The following RUNX1T1 variants were observed in gnomAD, a reference collection of about 807,000 sequenced individuals.
RUNX1T1 encodes RUNX1 partner transcriptional co-repressor 1.
Under a neutral mutation model 62.8 loss-of-function variants are expected in RUNX1T1, and 4 were observed. That is an observed-to-expected ratio of 0.06 (90% confidence interval 0.03 to 0.15). The LOEUF is 0.15. Among genes scored for constraint, RUNX1T1 ranks in the 10% least tolerant of loss-of-function variants. The pLI, the probability that RUNX1T1 is intolerant of heterozygous loss-of-function variation, is 1.00. For missense variants in RUNX1T1, 508 were observed against 754.3 expected, an observed-to-expected ratio of 0.67 and a Z score of 3.82; for synonymous variants, 291 against 286.0, an observed-to-expected ratio of 1.02 and a Z score of -0.18.
At chr8:92,051,217 A>G (rs1830181418) in intron 1 of RUNX1T1, among the ~76,000 whole-genome samples, 2 of 152,122 alleles carry the variant, frequency 1.3e-5, no homozygotes, top group South Asian at 2.1e-4. Context: ...CATCTATAAC[A>G]GTGTCAGACC....
At position 92,062,545 on chromosome 8, in the gene RUNX1T1, C is replaced by T. The variant is rs1340766569; in HGVS notation, c.7+1G>A. 6.2e-7 allele frequency: 1 copy of T among 1,613,882 alleles called. No homozygotes were observed. The highest frequency in any genetic ancestry group is 8.5e-7 in the Non-Finnish European group (1 of 1,179,866). Reference sequence around the variant, plus strand: ...GAGAACACAGAACAGGGCTAACTCACCAGGCATCCTTGAATCCAGCGTACC... The same window carrying T: ...GAGAACACAGAACAGGGCTAACTCATCAGGCATCCTTGAATCCAGCGTACC... On this transcript the variant is annotated splice_donor_variant, in intron 1 of 10. Coordinates refer to ENST00000396218, the Ensembl canonical transcript of RUNX1T1. LOFTEE classifies it high-confidence loss of function.
At chr8:91,972,481 T>C (rs995787710) in intron 9 of RUNX1T1, among the ~76,000 whole-genome samples, 3 of 152,124 alleles carry the variant, frequency 2.0e-5, no homozygotes, top group Non-Finnish European at 4.4e-5. Flanking sequence ...AATCAGAGTA[T>C]TGCAAACAGC....
chr8:92,011,948 T>G (rs1299717258), intron 3 of RUNX1T1, among the ~76,000 whole-genome samples: 1 of 152,206 alleles, frequency 6.6e-6, no homozygotes, highest in Non-Finnish European at 1.5e-5. Flanking sequence ...CTTTAGTTTC[T>G]CAGGCAGGAT....
At chr8:92,097,369 G>C (rs890390205) in intron 1 of RUNX1T1, among the ~76,000 whole-genome samples, 1 of 152,132 alleles carries the variant, frequency 6.6e-6, no homozygotes, top group South Asian at 2.1e-4. Context: ...GATTTCTAGC[G>C]TATCACTTTA....
chr8:92,041,426 G>A (rs1828433989), intron 1 of RUNX1T1, among the ~76,000 whole-genome samples: 1 of 152,168 alleles, frequency 6.6e-6, no homozygotes. Context: ...TGATTGGCTG[G>A]CTGAATGAAA....
At chr8:92,045,719 A>T (rs1346201361) in intron 1 of RUNX1T1, among the ~76,000 whole-genome samples, 1 of 152,008 alleles carries the variant, frequency 6.6e-6, no homozygotes, top group East Asian at 1.9e-4. Flanking sequence ...ATCTCCTTCT[A>T]TATCCCCTAC....
chr8:92,067,202 A>G (rs1275498525), upstream of RUNX1T1, among the ~76,000 whole-genome samples: 1 of 152,254 alleles, frequency 6.6e-6, no homozygotes, highest in Non-Finnish European at 1.5e-5. Context: ...GAGGAAACCT[A>G]TCTTAATAGG....
At chr8:91,987,037 C>A (rs2130832979) in intron 6 of RUNX1T1, 65 bp from the exon 8 acceptor site, 1 of 1,064,238 alleles carries the variant, frequency 9.4e-7, no homozygotes, top group East Asian at 2.4e-5. Flanking sequence ...AACACACAGA[C>A]TCATAGCAAG....
intron 1 of RUNX1T1, among the ~76,000 whole-genome samples, chr8:92,060,553 A>ATATATATATGTGTGTGTGTG: frequency 6.4e-4 from 41 of 63,904 alleles, no homozygotes; most frequent in South Asian, 1.6e-3. Context: ...ATATATATAT[A>ATATATATATGTGTGTGTGTG]TGTGTGTGTG....
chr8:92,040,771 G>A (rs914524763), intron 1 of RUNX1T1, among the ~76,000 whole-genome samples: 3 of 152,140 alleles, frequency 2.0e-5, no homozygotes, highest in African/African-American at 7.2e-5. Flanking sequence ...CCTGTGTAAT[G>A]GCATGTGCCT....
At chr8:91,996,565 C>A (rs903796312) in intron 5 of RUNX1T1, among the ~76,000 whole-genome samples, 2 of 152,172 alleles carry the variant, frequency 1.3e-5, no homozygotes, top group South Asian at 4.1e-4. Flanking sequence ...TTCCTCAACA[C>A]AATCTAACCA....
intron 1 of RUNX1T1, among the ~76,000 whole-genome samples, chr8:92,095,823 G>C (rs932982053): frequency 6.6e-6 from 1 of 152,104 alleles, no homozygotes; most frequent in Non-Finnish European, 1.5e-5. Flanking sequence ...CCAAAGAAGG[G>C]AGGAATCCAG....
chr8:91,992,743 G>C (rs905205266), intron 5 of RUNX1T1, among the ~76,000 whole-genome samples: 6 of 152,100 alleles, frequency 3.9e-5, no homozygotes, highest in Non-Finnish European at 8.8e-5. Flanking sequence ...TATCCTGTCT[G>C]GGGTTATCAG....
chr8:91,992,275 A>G (rs1465587699), intron 5 of RUNX1T1, among the ~76,000 whole-genome samples: 2 of 152,198 alleles, frequency 1.3e-5, no homozygotes, highest in East Asian at 3.9e-4. Flanking sequence ...AAGGTAAAAC[A>G]TCACTACTCT....
At chr8:91,971,891 T>C (rs1285225979) in intron 9 of RUNX1T1, among the ~76,000 whole-genome samples, 1 of 152,162 alleles carries the variant, frequency 6.6e-6, no homozygotes, top group African/African-American at 2.4e-5. Context: ...TTTAAAAAAT[T>C]AACTGTTCTA....
chr8:92,019,006 T>C (rs1823558234), intron 1 of RUNX1T1: 1 of 152,186 alleles, frequency 6.6e-6, no homozygotes, highest in South Asian at 2.1e-4. Flanking sequence ...CTTTATCTAT[T>C]GTTAAAAACT....
intron 1 of RUNX1T1, among the ~76,000 whole-genome samples, chr8:92,019,918 C>CT (rs1240068248): frequency 6.6e-6 from 1 of 152,120 alleles, no homozygotes; most frequent in Non-Finnish European, 1.5e-5. Context: ...TCAACAATAA[C>CT]TACAGAGACA....
At chr8:92,071,046 A>G (rs1178559687) in intron 2 of RUNX1T1, among the ~76,000 whole-genome samples, 3 of 152,154 alleles carry the variant, frequency 2.0e-5, no homozygotes, top group Non-Finnish European at 4.4e-5. Context: ...ATCTCCAAGC[A>G]CTTCTCAGAA....
At chr8:92,060,553 A>ATGTGTGTGTG (rs1271953758) in intron 1 of RUNX1T1, among the ~76,000 whole-genome samples, 35 of 63,900 alleles carry the variant, frequency 5.5e-4, no homozygotes, top group South Asian at 2.2e-3. Flanking sequence ...ATATATATAT[A>ATGTGTGTGTG]TGTGTGTGTG....
Sources: allele counts gnomAD v4.1 joint callset (sites outside exome capture counted in the v4.1 genomes callset), GRCh38; gene constraint gnomAD v4.1.1; transcripts MANE v1.5; gene names NCBI Gene and HGNC (gene_info 2026-07-23, HGNC 2026-07-21).